Variants in WDR7 observed in about 807,000 individuals in gnomAD.
WDR7 encodes WD repeat-containing protein 7.
WDR7 carries 46 observed loss-of-function variants against 169.4 expected under a neutral mutation model. The ratio of observed to expected loss-of-function variants is 0.27; its 90% confidence interval spans 0.21 to 0.35. The LOEUF is 0.35. Among genes scored for constraint, WDR7 ranks in the 10% least tolerant of loss-of-function variants. The probability of loss-of-function intolerance (pLI) is 1.00; values close to 1 mark genes in which losing one functional copy is unlikely to be tolerated. For synonymous variants in WDR7, 612 were observed against 666.8 expected, an observed-to-expected ratio of 0.92 and a Z score of 1.27; for missense variants, 1,534 against 1,859.3, an observed-to-expected ratio of 0.83 and a Z score of 3.22.
chr18:56,940,223 A>G lies in WDR7; in HGVS notation c.4064+830A>G, dbSNP rs143113701. Among the ~76,000 whole-genome samples, 622 of 152,222 alleles carry G rather than the reference A, an allele frequency of 4.1e-3. 3 individuals are homozygous for G. Among genetic ancestry groups the G allele is most frequent in the African/African-American group, 0.013 (546 of 41,554 alleles). ...TTTAAGACAAGTTCAATGATATTCT[A>G]TTTTTGCTCATTTTTATGAATACAT... On this transcript the variant is annotated intron_variant, in intron 25 of 27. Coordinates refer to ENST00000254442, the MANE Select transcript of WDR7 (RefSeq NM_015285.3).
intron 26 of WDR7, among the ~76,000 whole-genome samples, chr18:56,999,346 T>G (rs1344983465): frequency 6.6e-6 from 1 of 152,168 alleles, no homozygotes; most frequent in African/African-American, 2.4e-5. Flanking sequence ...TGGGTGGAGA[T>G]ATTAGAGATA....
Position 56,731,142 on chromosome 18 carries a change from C to A in WDR7, c.1775-241C>A, listed in dbSNP as rs182391208. On this transcript the variant is annotated intron_variant, in intron 13 of 27. Coordinates refer to ENST00000254442, the MANE Select transcript of WDR7 (RefSeq NM_015285.3). ...AAAGCCTGGAGAAGGTTGTTGGAAT[C>A]TTAGCTCTGAACTTGACTTTATTGG... Among the ~76,000 whole-genome samples the A allele has an allele frequency of 1.6e-4, 25 of 152,124 alleles. No individual in the cohort carries two copies. The East Asian group carries it at 4.6e-3, about 28-fold the overall frequency.
intron 15 of WDR7, among the ~76,000 whole-genome samples, 187 bp downstream of exon 15, chr18:56,757,539 A>G (rs1312593711): frequency 1.3e-5 from 2 of 152,216 alleles, no homozygotes; most frequent in African/African-American, 4.8e-5. Context: ...ATAAAATTAA[A>G]CAATTTTATG....
intron 20 of WDR7, among the ~76,000 whole-genome samples, chr18:56,866,790 T>C (rs2045888459): frequency 6.6e-6 from 1 of 152,050 alleles, no homozygotes; most frequent in Non-Finnish European, 1.5e-5. Flanking sequence ...TTTATGTTCC[T>C]TTTTTTGTCC....
chr18:56,881,097 C>G (rs370392071), intron 21 of WDR7, among the ~76,000 whole-genome samples: 3 of 152,254 alleles, frequency 2.0e-5, no homozygotes, highest in Admixed American at 6.5e-5. Context: ...CTTCACTGGA[C>G]CATTGCCACA....
At chr18:56,790,876 G>A (rs1225192706) in intron 19 of WDR7, among the ~76,000 whole-genome samples, 1 of 151,334 alleles carries the variant, frequency 6.6e-6, no homozygotes, top group Admixed American at 6.6e-5. Context: ...TTTTTTATTT[G>A]TTTGAGCACC....
At chr18:56,896,016 G>C (rs2046328209) in intron 21 of WDR7, among the ~76,000 whole-genome samples, 1 of 151,366 alleles carries the variant, frequency 6.6e-6, no homozygotes, top group African/African-American at 2.4e-5. Context: ...TACTATTTTG[G>C]GCACTTTATA....
intron 27 of WDR7, among the ~76,000 whole-genome samples, chr18:57,023,041 G>A (rs2048312284): frequency 6.6e-6 from 1 of 152,154 alleles, no homozygotes; most frequent in African/African-American, 2.4e-5. Context: ...ACCAATGTCG[G>A]AATTTAACAT....
intron 13 of WDR7, among the ~76,000 whole-genome samples, chr18:56,719,727 A>G (rs945693943): frequency 5.9e-5 from 9 of 152,114 alleles, no homozygotes; most frequent in Non-Finnish European, 8.8e-5. Context: ...TTAGTTCTAG[A>G]GTCAGACTGT....
In WDR7 at chr18:56,820,359, A is replaced by AAAAAAAAAAAC. The variant is rs1044771844; in HGVS notation, c.3304+4220_3304+4221insAAAAACAAAAA. 4.4e-3 allele frequency among the ~76,000 whole-genome samples: 559 copies of AAAAAAAAAAAC among 127,442 alleles called. 62 individuals are homozygous for AAAAAAAAAAAC. The highest frequency in any genetic ancestry group is 0.017 in the African/African-American group (477 of 28,358). The allele number at this position is 127,442 out of a possible 152,430, so 83.6% of individuals were successfully genotyped here. A position where few individuals can be genotyped will look rare whatever the true frequency, so the allele number is the denominator to read the frequency against. ...ATTGTCAAAAAAAAAAAAAAAAAAA[A>AAAAAAAAAAAC]AAAAACCACCTTGATACTAGATCAG... On this transcript the variant is annotated intron_variant, in intron 20 of 27. Transcript: ENST00000254442.
intron 19 of WDR7, among the ~76,000 whole-genome samples, chr18:56,814,714 T>G (rs1331821842): frequency 6.6e-6 from 1 of 151,970 alleles, no homozygotes; most frequent in Non-Finnish European, 1.5e-5. Context: ...CGTAATGAAA[T>G]AATTTGTACA....
chr18:56,826,840 T>A (rs1400913171), intron 20 of WDR7, among the ~76,000 whole-genome samples: 1 of 152,210 alleles, frequency 6.6e-6, no homozygotes, highest in Admixed American at 6.5e-5. Context: ...TAAGGAATAT[T>A]CAGTTTTATT....
At chr18:56,657,321 C>T (rs1179214203) in intron 1 of WDR7, among the ~76,000 whole-genome samples, 3 of 151,990 alleles carry the variant, frequency 2.0e-5, no homozygotes, top group Non-Finnish European at 4.4e-5. Context: ...GGACACCCGG[C>T]CAATTTTTGT....
chr18:56,672,208 T>G (rs1002109081), intron 1 of WDR7, among the ~76,000 whole-genome samples: 1 of 152,198 alleles, frequency 6.6e-6, no homozygotes, highest in African/African-American at 2.4e-5. Flanking sequence ...GGCCTTTTAT[T>G]AGTAAATTTT....
chr18:56,782,050 T>C (rs1241160848), intron 19 of WDR7: 1 of 153,464 alleles, frequency 6.5e-6, no homozygotes, highest in East Asian at 1.9e-4. Context: ...AAAGTTGGGA[T>C]TGTGAATCCT....
At chr18:56,707,139 C>A (rs1444595877) in intron 12 of WDR7, among the ~76,000 whole-genome samples, 1 of 152,086 alleles carries the variant, frequency 6.6e-6, no homozygotes, top group Non-Finnish European at 1.5e-5. Context: ...CACCACCACA[C>A]CCAGCTAATT....
At chr18:56,836,439 T>C (rs1332492902) in intron 20 of WDR7, among the ~76,000 whole-genome samples, 1 of 152,216 alleles carries the variant, frequency 6.6e-6, no homozygotes, top group Non-Finnish European at 1.5e-5. Flanking sequence ...TTTTGGGATG[T>C]GATTCCTTCA....
chr18:56,716,694 G>A (rs774935158), intron 12 of WDR7, among the ~76,000 whole-genome samples: 18 of 152,142 alleles, frequency 1.2e-4, no homozygotes, highest in Non-Finnish European at 2.2e-4. Flanking sequence ...TCCAAAGTGT[G>A]TTCATCTAAA....
chr18:56,696,187 TG>T, intron 11 of WDR7, 54 bp from the exon 12 acceptor site: 1 of 1,440,192 alleles, frequency 6.9e-7, no homozygotes, highest in South Asian at 1.3e-5. Flanking sequence ...TTTTACTTAC[TG>T]AAACTTGGTA....
Sources: allele counts gnomAD v4.1 joint callset (sites outside exome capture counted in the v4.1 genomes callset), GRCh38; gene constraint gnomAD v4.1.1; transcripts MANE v1.5; gene names NCBI Gene and HGNC (gene_info 2026-07-23, HGNC 2026-07-21).